KIF26B: variants seen among roughly 807,000 people sequenced by gnomAD.
The protein encoded by KIF26B is kinesin-like protein KIF26B.
Under a neutral mutation model 151.2 loss-of-function variants are expected in KIF26B, and 63 were observed. The observed-to-expected ratio is 0.42, with a 90% CI of 0.34 to 0.51. The LOEUF (loss-of-function observed/expected upper bound fraction) is 0.51, where lower values mean the gene tolerates loss of function less well. Among genes scored for constraint, KIF26B ranks in the 20% least tolerant of loss-of-function variants. The pLI, the probability that KIF26B is intolerant of heterozygous loss-of-function variation, is 0.07. For missense variants in KIF26B, 2,813 were observed against 2,913.6 expected (o/e 0.97, Z 0.79); for synonymous variants, 1,357 against 1,262.1 (o/e 1.08, Z -1.59).
intron 4 of KIF26B, among the ~76,000 whole-genome samples, chr1:245,465,411 G>A (rs929309084): frequency 1.3e-5 from 2 of 151,904 alleles, no homozygotes; most frequent in African/African-American, 4.8e-5. Flanking sequence ...AGGGGAGGGG[G>A]AAAAGCATCA....
rs571834204 is a variant in KIF26B, at chr1:245,249,674, G to T, written c.465+92991G>T. Among the ~76,000 whole-genome samples the T allele has an allele frequency of 6.6e-5, 10 of 152,026 alleles. No homozygotes were observed. The Middle Eastern group carries it at 0.01, about 155-fold the overall frequency. ...ACTTTTGTATTTTTAGTAGAGATGG[G>T]GTTTCACCATGGTGGCCAGGCTGGT... On this transcript the variant is annotated intron_variant, in intron 2 of 14. Transcript: ENST00000407071.
chr1:245,206,506 CTG>C (rs1669408664), intron 2 of KIF26B: 1 of 152,254 alleles, frequency 6.6e-6, no homozygotes, highest in South Asian at 2.1e-4. Flanking sequence ...AAGAGAACAA[CTG>C]TAGTCTGTGG....
At chr1:245,206,612 C>T (rs1669411213) in intron 2 of KIF26B, 1 of 152,188 alleles carries the variant, frequency 6.6e-6, no homozygotes, top group South Asian at 2.1e-4. Flanking sequence ...AGATGCATCA[C>T]TATTGAAGGA....
rs1671697419 is a variant in KIF26B at position 245,313,187 on chromosome 1, A to C, written c.466-53647A>C. Among the ~76,000 whole-genome samples the C allele has an allele frequency of 2.0e-5, 3 of 151,960 alleles. No individual in the cohort carries two copies. In the South Asian group the frequency reaches 6.2e-4, roughly 32 times the overall value. On this transcript the variant is annotated intron_variant, in intron 2 of 14. Coordinates refer to ENST00000407071, the MANE Select transcript of KIF26B (RefSeq NM_018012.4). ...AAACAAACAAACAAACAAACAAACA[A>C]AAAGATGGATTGACACTGCACCTGC...
Position 245,688,183 on chromosome 1 carries a change from G to T in KIF26B, c.5200G>T (p.Ala1734Ser). Reference sequence around the variant, plus strand: ...CAAGGCCGGCCAGTCCAAGATCTCCGCCGTGAGCAGACTCCTCCTGGCCAG... The same window carrying T: ...CAAGGCCGGCCAGTCCAAGATCTCCTCCGTGAGCAGACTCCTCCTGGCCAG... Reference protein sequence around the residue: ...SPKAGQSKISAVSRLLLASPR... With the variant: ...SPKAGQSKISSVSRLLLASPR... Residue 1734 changes from alanine (A) to serine (S), a missense_variant, in exon 12 of 15, where the codon GCC (alanine) becomes TCC (serine). Ala to Ser is a moderately conservative substitution (Grantham distance 99). Coordinates refer to ENST00000407071, the MANE Select transcript of KIF26B (RefSeq NM_018012.4). 6.3e-6 allele frequency: 10 copies of T among 1,597,670 alleles called. No individual in the cohort carries two copies. The highest frequency in any genetic ancestry group is 8.5e-6 in the Non-Finnish European group (10 of 1,178,502).
chr1:245,614,173 GTTTT>G (rs997694818), intron 9 of KIF26B, among the ~76,000 whole-genome samples: 1 of 151,998 alleles, frequency 6.6e-6, no homozygotes, highest in Admixed American at 6.6e-5. Context: ...TGCTCCTTTA[GTTTT>G]TTTGTTTGTT....
At chr1:245,384,053 G>A (rs961041987) in intron 3 of KIF26B, among the ~76,000 whole-genome samples, 2 of 152,184 alleles carry the variant, frequency 1.3e-5, no homozygotes, top group African/African-American at 4.8e-5. Context: ...ACCTCGGGCA[G>A]GTTTTCTACC....
At position 245,490,458 on chromosome 1, in the gene KIF26B, C is replaced by T. The variant is rs1054316856; in HGVS notation, c.1167-50309C>T. 1.1e-4 allele frequency among the ~76,000 whole-genome samples: 16 copies of T among 152,006 alleles called. 1 individual carries two copies. The highest frequency in any genetic ancestry group is 3.9e-4 in the African/African-American group (16 of 41,452). On this transcript the variant is annotated intron_variant, in intron 4 of 14. Coordinates refer to ENST00000407071, the MANE Select transcript of KIF26B (RefSeq NM_018012.4). ...TCTTGAGTACCTGGGACTACAGGCGCACACCACCACGTCCAGCTAATTTTT... is the reference window on the plus strand; with the variant it reads ...TCTTGAGTACCTGGGACTACAGGCGTACACCACCACGTCCAGCTAATTTTT...
chr1:245,469,927 A>G (rs998089881), intron 4 of KIF26B, among the ~76,000 whole-genome samples: 4 of 152,120 alleles, frequency 2.6e-5, no homozygotes, highest in African/African-American at 9.7e-5. Context: ...TTCATGCCAA[A>G]TGAGTGGTAC....
chr1:245,693,221 A>T (rs184419113), intron 12 of KIF26B, among the ~76,000 whole-genome samples: 15 of 152,224 alleles, frequency 9.9e-5, no homozygotes, highest in Non-Finnish European at 1.9e-4. Context: ...TTCCCACCAC[A>T]GGGAGGCTCA....
intron 3 of KIF26B, among the ~76,000 whole-genome samples, chr1:245,400,832 T>A (rs545310987): frequency 6.6e-6 from 1 of 152,272 alleles, no homozygotes; most frequent in African/African-American, 2.4e-5. Flanking sequence ...ATTCCATATG[T>A]GGTTTGCATT....
chr1:245,464,382 GGTGT>G (rs145902975), intron 4 of KIF26B, among the ~76,000 whole-genome samples: 7 of 146,632 alleles, frequency 4.8e-5, no homozygotes, highest in East Asian at 4.1e-4. Context: ...GGTGTGTGTA[GGTGT>G]GTGTGTGTGG....
At chr1:245,521,961 C>T (rs1024876981) in intron 4 of KIF26B, among the ~76,000 whole-genome samples, 20 of 151,294 alleles carry the variant, frequency 1.3e-4, no homozygotes, top group Middle Eastern at 3.4e-3. Flanking sequence ...GCTCTGCCTC[C>T]CGTGTTCACG....
chr1:245,420,665 G>C (rs147466804), intron 4 of KIF26B, among the ~76,000 whole-genome samples: 8 of 152,346 alleles, frequency 5.3e-5, no homozygotes, highest in African/African-American at 1.9e-4. Context: ...CAGCAGTTCT[G>C]CCTCAGTTTC....
chr1:245,682,469 A>G (rs545412052), intron 10 of KIF26B, among the ~76,000 whole-genome samples: 1 of 135,496 alleles, frequency 7.4e-6, no homozygotes, highest in Non-Finnish European at 1.6e-5. Context: ...ACCTGACTGT[A>G]TATGATCACA....
At chr1:245,441,167 TG>T (rs1659069172) in intron 4 of KIF26B, among the ~76,000 whole-genome samples, 1 of 152,164 alleles carries the variant, frequency 6.6e-6, no homozygotes, top group Non-Finnish European at 1.5e-5. Context: ...ATCCAGCTGG[TG>T]TCTACCACCG....
chr1:245,260,464 G>C (rs1670612328), intron 2 of KIF26B, among the ~76,000 whole-genome samples: 1 of 152,224 alleles, frequency 6.6e-6, no homozygotes, highest in Non-Finnish European at 1.5e-5. Flanking sequence ...AGAAGTGAGT[G>C]TGTTGGACTC....
chr1:245,685,160 A>G (rs1162516348), intron 11 of KIF26B, among the ~76,000 whole-genome samples: 2 of 152,062 alleles, frequency 1.3e-5, no homozygotes, highest in Non-Finnish European at 2.9e-5. Flanking sequence ...CTGGATGGTC[A>G]CCCCCTTTCC....
At chr1:245,222,109 A>T (rs988030424) in intron 2 of KIF26B, among the ~76,000 whole-genome samples, 1 of 152,176 alleles carries the variant, frequency 6.6e-6, no homozygotes, top group Admixed American at 6.5e-5. Context: ...AAGAAATATC[A>T]CATGCCAACT....
Sources: allele counts gnomAD v4.1 joint callset (sites outside exome capture counted in the v4.1 genomes callset), GRCh38; gene constraint gnomAD v4.1.1; transcripts MANE v1.5; gene names NCBI Gene and HGNC (gene_info 2026-07-23, HGNC 2026-07-21).